Variants in SLC36A1 observed in about 807,000 individuals in gnomAD.
SLC36A1 encodes proton-coupled amino acid transporter 1.
A neutral mutation model predicts 47.5 loss-of-function variants in SLC36A1; 30 were observed. That is an observed-to-expected ratio of 0.63 (90% confidence interval 0.47 to 0.86). The LOEUF is 0.86. Among genes scored for constraint, SLC36A1 ranks in the 40% least tolerant of loss-of-function variants. SLC36A1 has a pLI of 0.00. For synonymous variants in SLC36A1, 255 were observed against 249.7 expected, an observed-to-expected ratio of 1.02 and a Z score of -0.20; for missense variants, 517 against 606.0, an observed-to-expected ratio of 0.85 and a Z score of 1.54.
chr5:151,459,924 C>A (rs911253398), intron 2 of SLC36A1: 2 of 152,280 alleles, frequency 1.3e-5, no homozygotes, highest in Non-Finnish European at 2.9e-5. Context: ...GTCCACATTC[C>A]TGGCCCGTCA....
At chr5:151,370,949 C>T in the SLC36A1 span, among the ~76,000 whole-genome samples, 6 of 152,108 alleles carry the variant, frequency 3.9e-5, no homozygotes, top group Non-Finnish European at 7.4e-5. Flanking sequence ...GCCAAGATCG[C>T]AGTACTACAC....
the SLC36A1 span, chr5:151,544,001 G>T: frequency 1.2e-6 from 2 of 1,614,146 alleles, no homozygotes; most frequent in South Asian, 1.1e-5. Context: ...AACTCTGGGG[G>T]GTTGTCATTG....
intron 5 of SLC36A1, among the ~76,000 whole-genome samples, 155 bp from the exon 6 acceptor site, chr5:151,467,044 C>G (rs1257235653): frequency 6.6e-6 from 1 of 152,160 alleles, no homozygotes; most frequent in Non-Finnish European, 1.5e-5. Flanking sequence ...ACACTAAACG[C>G]CCAGGCACTA....
chr5:151,382,226 C>A, the SLC36A1 span: 1 of 1,288,554 alleles, frequency 7.8e-7, no homozygotes, highest in Non-Finnish European at 1.1e-6. Flanking sequence ...TCTGCAAGTG[C>A]GGGTCACTCA....
chr5:151,400,829 G>A, the SLC36A1 span, among the ~76,000 whole-genome samples: 1 of 152,094 alleles, frequency 6.6e-6, no homozygotes, highest in African/African-American at 2.4e-5. Context: ...CTTTTGAGAA[G>A]TGTCTGTTCA....
chr5:151,424,844 GAC>G, the SLC36A1 span, among the ~76,000 whole-genome samples: 1 of 151,088 alleles, frequency 6.6e-6, no homozygotes, highest in Non-Finnish European at 1.5e-5. Context: ...GAGAGGGAGT[GAC>G]TGTAAATAAA....
chr5:151,398,485 A>G, the SLC36A1 span, among the ~76,000 whole-genome samples: 1 of 152,186 alleles, frequency 6.6e-6, no homozygotes, highest in East Asian at 1.9e-4. Context: ...TGAACAAAGG[A>G]TGGAAAAGGA....
chr5:151,512,837 C>A, the SLC36A1 span: 1 of 558,204 alleles, frequency 1.8e-6, no homozygotes, highest in East Asian at 3.0e-5. This position sits in a 1 kb window ranked among gnomAD's most constrained non-coding sequence, Gnocchi z 4.1. Flanking sequence ...GGGGTGACAT[C>A]TCCATTCACA....
chr5:151,415,893 G>T, the SLC36A1 span, among the ~76,000 whole-genome samples: 1 of 152,126 alleles, frequency 6.6e-6, no homozygotes, highest in African/African-American at 2.4e-5. Flanking sequence ...ATCACCTGAG[G>T]TCAGGAGTTC....
the SLC36A1 span, chr5:151,542,754 AT>A: frequency 6.2e-7 from 1 of 1,614,098 alleles, no homozygotes; most frequent in Non-Finnish European, 8.5e-7. Context: ...GCCTATTGTC[AT>A]TGACGTCTCC....
chr5:151,525,860 CGTT>C, the SLC36A1 span: 1 of 1,614,092 alleles, frequency 6.2e-7, no homozygotes, highest in Non-Finnish European at 8.5e-7. Context: ...AAGGCAGAGC[CGTT>C]GTTCCCCTTG....
upstream of SLC36A1, among the ~76,000 whole-genome samples, chr5:151,445,820 A>G (rs1752883409): frequency 6.6e-6 from 1 of 152,054 alleles, no homozygotes; most frequent in Admixed American, 6.6e-5. Flanking sequence ...TTATTTCTGA[A>G]GCTTCTGTTG....
chr5:151,393,481 C>G, the SLC36A1 span, among the ~76,000 whole-genome samples: 1 of 152,188 alleles, frequency 6.6e-6, no homozygotes, highest in Admixed American at 6.5e-5. Flanking sequence ...TCAGTTGATG[C>G]AGTTTCTTCG....
intron 10 of SLC36A1, among the ~76,000 whole-genome samples, chr5:151,483,861 G>A (rs551168551): frequency 4.6e-4 from 70 of 152,250 alleles, no homozygotes; most frequent in African/African-American, 1.6e-3. Context: ...AGGGTTCAGC[G>A]GTGGTATGTG....
intron 1 of SLC36A1, among the ~76,000 whole-genome samples, chr5:151,438,449 A>T (rs1759907723): frequency 6.6e-6 from 1 of 151,648 alleles, no homozygotes; most frequent in Non-Finnish European, 1.5e-5. Flanking sequence ...CCCACCTGGC[A>T]CTCAGCACCC....
chr5:151,550,788 G>A, the SLC36A1 span: 1 of 1,614,014 alleles, frequency 6.2e-7, no homozygotes. Flanking sequence ...CTGGCACGGT[G>A]TCCTGGGGAA....
the SLC36A1 span, chr5:151,512,374 A>C: frequency 5.0e-6 from 8 of 1,614,114 alleles, no homozygotes; most frequent in Non-Finnish European, 5.9e-6. This position sits in a 1 kb window ranked among gnomAD's most constrained non-coding sequence, Gnocchi z 4.1. Context: ...GGAAGAATGC[A>C]ACAGAATGAG....
At chr5:151,344,933 C>T in the SLC36A1 span, among the ~76,000 whole-genome samples, 3 of 152,032 alleles carry the variant, frequency 2.0e-5, no homozygotes, top group Non-Finnish European at 4.4e-5. Flanking sequence ...TGAGGTCTGG[C>T]GGGGCATAAC....
the SLC36A1 span, among the ~76,000 whole-genome samples, chr5:151,385,009 A>AGAGAGAGTGTGTGTGT: frequency 0.026 from 3,282 of 128,212 alleles, 58 homozygotes; most frequent in Non-Finnish European, 0.033. Context: ...AGAGAGAGAG[A>AGAGAGAGTGTGTGTGT]GTGTGTGTGT....
Sources: gnomAD v4.1 joint callset for allele counts (sites outside exome capture counted in the v4.1 genomes callset) on GRCh38, gnomAD v4.1.1 for gene constraint, Gnocchi (gnomAD v3.1) non-coding constraint, MANE v1.5 for transcripts, NCBI Gene and HGNC (gene_info 2026-07-23, HGNC 2026-07-21) for gene names.